The following ME3 variants were observed in gnomAD, a reference collection of about 807,000 sequenced individuals.
The protein encoded by ME3 is NADP-dependent malic enzyme, mitochondrial.
A neutral mutation model predicts 68.9 loss-of-function variants in ME3; 48 were observed. The ratio of observed to expected loss-of-function variants is 0.70; its 90% CI spans 0.55 to 0.89. The LOEUF (loss-of-function observed/expected upper bound fraction) is 0.89, where lower values mean the gene tolerates loss of function less well. ME3 is among the 40% of genes least tolerant of loss of function. The pLI is 0.00. For missense variants in ME3, 675 were observed against 797.4 expected, an observed-to-expected ratio of 0.85 and a Z score of 1.85; for synonymous variants, 320 against 318.8, an observed-to-expected ratio of 1.00 and a Z score of -0.04.
At chr11:86,638,972 C>G (rs1400629438) in intron 2 of ME3, among the ~76,000 whole-genome samples, 5 of 152,208 alleles carry the variant, frequency 3.3e-5, no homozygotes, top group Non-Finnish European at 7.3e-5. Flanking sequence ...CATGCCCATT[C>G]TATCTCTAGA....
intron 5 of ME3, among the ~76,000 whole-genome samples, chr11:86,498,708 T>C (rs1023276946): frequency 3.9e-5 from 6 of 152,202 alleles, no homozygotes; most frequent in Admixed American, 3.9e-4. Context: ...TGGCAAAGAA[T>C]TGCTGAGGGC....
intron 2 of ME3, among the ~76,000 whole-genome samples, chr11:86,614,461 C>T (rs1315396654): frequency 1.3e-5 from 2 of 152,102 alleles, no homozygotes; most frequent in African/African-American, 2.4e-5. Context: ...GTCCAGAACC[C>T]CTCTTTGCTC....
At chr11:86,635,525 G>A (rs926855281) in intron 2 of ME3, among the ~76,000 whole-genome samples, 1 of 152,158 alleles carries the variant, frequency 6.6e-6, no homozygotes, top group Non-Finnish European at 1.5e-5. Context: ...CATTGTAATG[G>A]TATTAAGAGG....
At chr11:86,542,147 A>G (rs1245937295) in intron 4 of ME3, among the ~76,000 whole-genome samples, 1 of 152,218 alleles carries the variant, frequency 6.6e-6, no homozygotes, top group African/African-American at 2.4e-5. Context: ...ACCCCATCTG[A>G]AGGTCACTAA....
intron 4 of ME3, among the ~76,000 whole-genome samples, chr11:86,510,158 A>G (rs894637631): frequency 2.0e-5 from 3 of 152,096 alleles, no homozygotes; most frequent in South Asian, 2.1e-4. Context: ...TTCATCTTCC[A>G]TTCATTTCTC....
intron 6 of ME3, among the ~76,000 whole-genome samples, chr11:86,491,868 AAATGTT>A (rs1292423754): frequency 3.3e-5 from 5 of 152,258 alleles, no homozygotes; most frequent in Non-Finnish European, 1.5e-5. Context: ...TTATGCTAAA[AAATGTT>A]GAATTGCTTC....
At chr11:86,558,529 CAG>C (rs1009567261) in intron 3 of ME3, among the ~76,000 whole-genome samples, 4 of 152,124 alleles carry the variant, frequency 2.6e-5, no homozygotes, top group African/African-American at 9.7e-5. Context: ...ATGAGGGAAA[CAG>C]AGGAATATGA....
chr11:86,598,589 G>A (rs964048767), intron 2 of ME3, among the ~76,000 whole-genome samples: 6 of 152,184 alleles, frequency 3.9e-5, no homozygotes, highest in East Asian at 1.9e-4. Flanking sequence ...ACAGCTTTGA[G>A]GAGAGCAGTG....
intron 6 of ME3, among the ~76,000 whole-genome samples, chr11:86,495,505 G>A (rs1350501764): frequency 1.3e-5 from 2 of 152,340 alleles, no homozygotes; most frequent in East Asian, 3.9e-4. Flanking sequence ...CCAGCTTTTA[G>A]AAGGAATGAA....
intron 2 of ME3, among the ~76,000 whole-genome samples, chr11:86,645,900 C>T (rs1275633756): frequency 3.3e-5 from 5 of 152,216 alleles, no homozygotes; most frequent in Non-Finnish European, 2.9e-5. Context: ...TGGTGATATC[C>T]AGGCAAACAG....
chr11:86,612,765 T>C (rs1942681536), intron 2 of ME3, among the ~76,000 whole-genome samples: 1 of 152,228 alleles, frequency 6.6e-6, no homozygotes, highest in Admixed American at 6.5e-5. Context: ...TGGTTGTTTT[T>C]TTCTTGTAAA....
chr11:86,526,359 A>G (rs1565901652), intron 4 of ME3, among the ~76,000 whole-genome samples: 1 of 152,192 alleles, frequency 6.6e-6, no homozygotes. Context: ...GTAGGTAAAC[A>G]AAGCAGCCGG....
chr11:86,564,497 AATAGAC>A (rs1957388108), intron 2 of ME3, among the ~76,000 whole-genome samples: 1 of 151,612 alleles, frequency 6.6e-6, no homozygotes, highest in Non-Finnish European at 1.5e-5. Flanking sequence ...CTGGCATAAG[AATAGAC>A]ATATAGGTAA....
chr11:86,659,203 G>A (rs1249960818), intron 2 of ME3, among the ~76,000 whole-genome samples: 3 of 152,180 alleles, frequency 2.0e-5, no homozygotes, highest in Non-Finnish European at 2.9e-5. Context: ...CAGATGCTTA[G>A]GTTTGCAACA....
chr11:86,436,447 C>T (rs1023396143), downstream of ME3: 5 of 151,658 alleles, frequency 3.3e-5, no homozygotes, highest in African/African-American at 1.2e-4. Flanking sequence ...TATTTTCTCC[C>T]AGTCTGCTGC....
At chr11:86,621,936 T>C (rs1165604190) in intron 2 of ME3, among the ~76,000 whole-genome samples, 1 of 152,012 alleles carries the variant, frequency 6.6e-6, no homozygotes, top group Admixed American at 6.6e-5. Context: ...TTACAGGAGC[T>C]TTATGGATTA....
chr11:86,477,319 G>A (rs1951134800), intron 7 of ME3, among the ~76,000 whole-genome samples: 1 of 151,410 alleles, frequency 6.6e-6, no homozygotes, highest in Non-Finnish European at 1.5e-5. Context: ...TGAGGTACTT[G>A]TACTTTGTAA....
intron 2 of ME3, among the ~76,000 whole-genome samples, chr11:86,629,066 C>T (rs896771518): frequency 6.6e-6 from 1 of 152,190 alleles, no homozygotes; most frequent in South Asian, 2.1e-4. Context: ...CATGCGTGCC[C>T]CTTGTTCCTG....
intron 4 of ME3, among the ~76,000 whole-genome samples, chr11:86,553,689 A>T (rs565890871): frequency 6.6e-6 from 1 of 152,322 alleles, no homozygotes; most frequent in East Asian, 1.9e-4. Context: ...GAAGATGGTT[A>T]AGTCTGCCCA....
Sources: gnomAD v4.1 joint callset for allele counts (sites outside exome capture counted in the v4.1 genomes callset) on GRCh38, gnomAD v4.1.1 for gene constraint, MANE v1.5 for transcripts, NCBI Gene and HGNC (gene_info 2026-07-23, HGNC 2026-07-21) for gene names.